The following HMBOX1 variants were observed in gnomAD, a reference collection of about 807,000 sequenced individuals.
HMBOX1 encodes the protein homeobox-containing protein 1.
In HMBOX1, 14 loss-of-function variants were observed where a neutral mutation model predicts 54.5. The ratio of observed to expected loss-of-function variants is 0.26; its 90% CI spans 0.17 to 0.40. HMBOX1 has a LOEUF of 0.40. HMBOX1 is among the 10% of genes least tolerant of loss of function. The probability of loss-of-function intolerance (pLI) is 1.00; values close to 1 mark genes in which losing one functional copy is unlikely to be tolerated. For synonymous variants in HMBOX1, 160 were observed against 181.0 expected (o/e 0.88, Z 0.93); for missense variants, 332 against 514.4 (o/e 0.65, Z 3.43).
At chr8:29,000,827 A>G (rs1832527642) in intron 4 of HMBOX1, among the ~76,000 whole-genome samples, 1 of 152,216 alleles carries the variant, frequency 6.6e-6, no homozygotes, top group Non-Finnish European at 1.5e-5. Context: ...TGCTATAATG[A>G]TAGTGTGACA....
At chr8:28,921,337 A>G (rs1204462999) in intron 1 of HMBOX1, among the ~76,000 whole-genome samples, 1 of 152,216 alleles carries the variant, frequency 6.6e-6, no homozygotes, top group Non-Finnish European at 1.5e-5. Flanking sequence ...CCCTGTCTCA[A>G]TCATACCTAA....
At chr8:28,992,499 A>T (rs1351912880) in intron 4 of HMBOX1, among the ~76,000 whole-genome samples, 2 of 152,186 alleles carry the variant, frequency 1.3e-5, no homozygotes, top group African/African-American at 4.8e-5. Flanking sequence ...TTGATAATGA[A>T]CTTTTGAACA....
chr8:29,019,182 G>T (rs1237591720), intron 6 of HMBOX1, among the ~76,000 whole-genome samples: 1 of 152,078 alleles, frequency 6.6e-6, no homozygotes, highest in Non-Finnish European at 1.5e-5. Context: ...AATATTTTTT[G>T]AATTCAGATC....
At chr8:28,913,542 G>C (rs1033715988) in intron 1 of HMBOX1, among the ~76,000 whole-genome samples, 16 of 152,044 alleles carry the variant, frequency 1.1e-4, no homozygotes, top group Admixed American at 1.0e-3. Context: ...TTTCTTACAT[G>C]CTTCTGGAAT....
At chr8:28,965,977 C>G (rs1281262325) in intron 2 of HMBOX1, among the ~76,000 whole-genome samples, 2 of 151,890 alleles carry the variant, frequency 1.3e-5, no homozygotes, top group East Asian at 1.9e-4. Context: ...TTTGCCTAGT[C>G]ATTCTAGATA....
intron 4 of HMBOX1, among the ~76,000 whole-genome samples, chr8:28,990,180 T>G (rs1830778983): frequency 1.3e-5 from 2 of 152,184 alleles, no homozygotes; most frequent in South Asian, 4.1e-4. Flanking sequence ...TTCTTTCTTC[T>G]TTTTCCCCTT....
At chr8:29,039,057 T>C (rs1804407220) in intron 6 of HMBOX1, among the ~76,000 whole-genome samples, 1 of 152,214 alleles carries the variant, frequency 6.6e-6, no homozygotes, top group Non-Finnish European at 1.5e-5. Context: ...ACCCTTGCTC[T>C]TTCTTCAAGA....
intron 5 of HMBOX1, chr8:29,009,808 C>G (rs1833997738): frequency 1.6e-6 from 2 of 1,251,454 alleles, no homozygotes; most frequent in East Asian, 5.9e-5. Flanking sequence ...AAGATCTATT[C>G]AAGATACTAA....
At chr8:28,977,668 C>T (rs1220721194) in intron 3 of HMBOX1, among the ~76,000 whole-genome samples, 1 of 152,032 alleles carries the variant, frequency 6.6e-6, no homozygotes, top group Non-Finnish European at 1.5e-5. Context: ...AGGCCGGGCG[C>T]GGTGGCTCAC....
intron 1 of HMBOX1, among the ~76,000 whole-genome samples, chr8:28,897,951 A>T (rs750953290): frequency 2.2e-4 from 33 of 152,338 alleles, no homozygotes; most frequent in Non-Finnish European, 4.6e-4. Context: ...ACAGAATAAA[A>T]GGGGAGGTTA....
chr8:28,937,407 A>T (rs1397400766), intron 1 of HMBOX1, among the ~76,000 whole-genome samples: 4 of 152,176 alleles, frequency 2.6e-5, no homozygotes, highest in Non-Finnish European at 5.9e-5. Context: ...AAGACCTCCA[A>T]TTCCTTGGAT....
chr8:28,960,221 T>C, intron 1 of HMBOX1, among the ~76,000 whole-genome samples: 1 of 152,014 alleles, frequency 6.6e-6, no homozygotes, highest in East Asian at 1.9e-4. Context: ...CTTTTAAAAA[T>C]GAGCCACCGT....
At chr8:28,897,041 A>G (rs1286824457) in intron 1 of HMBOX1, among the ~76,000 whole-genome samples, 3 of 151,198 alleles carry the variant, frequency 2.0e-5, no homozygotes, top group Middle Eastern at 6.8e-3. Context: ...CTGGAGTACA[A>G]TGGCGCGATG....
At position 28,970,981 on chromosome 8, in the gene HMBOX1, G is replaced by GACACACAC. The variant is rs10554708; in HGVS notation, c.500+504_500+511dup. On this transcript the variant is annotated intron_variant, in intron 3 of 9. Transcript: ENST00000287701. This position sits in a 1 kb window ranked among gnomAD's most constrained non-coding sequence, Gnocchi z 4.3. ...ATAGGTTCTAATTTTAGCAATAGAT[G>GACACACAC]ACACACACACACACACACACACACA... is the stretch of plus-strand genomic sequence containing the variant. Among the ~76,000 whole-genome samples, 60 of 132,044 alleles carry GACACACAC rather than the reference G, an allele frequency of 4.5e-4. No individual in the cohort carries two copies. Among genetic ancestry groups the GACACACAC allele is most frequent in the East Asian group, 1.6e-3 (7 of 4,444 alleles). 86.6% of individuals were successfully genotyped at this position (132,044 alleles called of 152,430 possible).
rs368557863 is a variant in HMBOX1 at position 28,963,289 on chromosome 8, T to C, written c.-57-522T>C. Among the ~76,000 whole-genome samples, 29 of 152,336 alleles carry C rather than the reference T, an allele frequency of 1.9e-4. No individual in the cohort carries two copies. In the East Asian group the frequency reaches 4.4e-3, roughly 23 times the overall value. On this transcript the variant is annotated intron_variant, in intron 1 of 9. Transcript: ENST00000287701. ...ATGAGCCACCACGCCTGGCCTGTTT[T>C]TAAGTCAACAAGAAAATTATCTACA...
intron 1 of HMBOX1, among the ~76,000 whole-genome samples, chr8:28,937,728 C>G (rs1820650610): frequency 6.6e-6 from 1 of 152,168 alleles, no homozygotes. Flanking sequence ...TGGCCAAGAA[C>G]AGCATAGACC....
chr8:29,003,555 AATAT>A (rs71222586), intron 4 of HMBOX1, among the ~76,000 whole-genome samples: 2,157 of 71,304 alleles, frequency 0.03, 179 homozygotes, highest in African/African-American at 0.1. Context: ...TTCTGTATTA[AATAT>A]ATATATATAT....
intron 1 of HMBOX1, among the ~76,000 whole-genome samples, chr8:28,962,467 A>G (rs1825770528): frequency 7.5e-6 from 1 of 132,548 alleles, no homozygotes; most frequent in African/African-American, 2.8e-5. Flanking sequence ...GCTACATGCT[A>G]AACATGCTAC....
At chr8:28,991,696 A>G (rs1831003479) in intron 4 of HMBOX1, among the ~76,000 whole-genome samples, 1 of 152,122 alleles carries the variant, frequency 6.6e-6, no homozygotes. Context: ...CTCCCTTGAC[A>G]GTTTTAAACA....
Sources: allele counts gnomAD v4.1 joint callset (sites outside exome capture counted in the v4.1 genomes callset), GRCh38; gene constraint gnomAD v4.1.1; non-coding constraint Gnocchi (gnomAD v3.1); transcripts MANE v1.5; gene names NCBI Gene and HGNC (gene_info 2026-07-23, HGNC 2026-07-21).